The following WDR72 variants were observed in gnomAD, a reference collection of about 807,000 sequenced individuals.
WDR72 encodes the protein WD repeat domain 72, also known as WD repeat-containing protein 72.
Under a neutral mutation model 124.2 loss-of-function variants are expected in WDR72, and 120 were observed. The ratio of observed to expected loss-of-function variants is 0.97; its 90% CI spans 0.83 to 1.12. WDR72 has a LOEUF of 1.12. Among genes scored for constraint, WDR72 ranks in the 50% most tolerant of loss-of-function variants. The pLI is 0.00. For missense variants in WDR72, 1,387 were observed against 1,278.8 expected, an observed-to-expected ratio of 1.08 and a Z score of -1.29; for synonymous variants, 452 against 441.7, an observed-to-expected ratio of 1.02 and a Z score of -0.29.
chr15:53,633,311 A>G (rs972966147), intron 14 of WDR72, among the ~76,000 whole-genome samples: 6 of 152,100 alleles, frequency 3.9e-5, no homozygotes, highest in Non-Finnish European at 8.8e-5. Context: ...TCAGCCATGT[A>G]AGACGTGCCT....
chr15:53,645,445 A>T (rs2015007896), intron 14 of WDR72, among the ~76,000 whole-genome samples: 1 of 152,132 alleles, frequency 6.6e-6, no homozygotes, highest in African/African-American at 2.4e-5. Flanking sequence ...TTTGTGTTTT[A>T]AGTGTGAAGA....
intron 18 of WDR72, among the ~76,000 whole-genome samples, chr15:53,545,083 C>T (rs1395345667): frequency 2.0e-5 from 3 of 148,618 alleles, no homozygotes; most frequent in Non-Finnish European, 3.0e-5. Context: ...AATGGCCATA[C>T]TGCCCAAGGT....
intron 14 of WDR72, among the ~76,000 whole-genome samples, chr15:53,634,358 T>C (rs532372977): frequency 7.9e-5 from 12 of 152,166 alleles, no homozygotes; most frequent in Non-Finnish European, 1.6e-4. Context: ...GGCATAGGCA[T>C]GAAAGATCCC....
chr15:53,516,820 A>G lies in WDR72; in HGVS notation c.*879T>C, dbSNP rs1017082996. 7.9e-5 allele frequency: 12 copies of G among 152,236 alleles called. No homozygotes were observed. The highest frequency in any genetic ancestry group is 3.9e-4 in the Admixed American group (6 of 15,270). 9.4% of individuals were successfully genotyped at this position (152,236 alleles called of 1,614,324 possible). On this transcript the variant is annotated 3_prime_UTR_variant, in exon 20 of 20. Transcript: ENST00000360509. ...GTACAATATAAATCATAGTAAATAGATCACCAAAGGCTTTAATAGAAGAGC... is the reference window on the plus strand; with the variant it reads ...GTACAATATAAATCATAGTAAATAGGTCACCAAAGGCTTTAATAGAAGAGC...
intron 14 of WDR72, 50 bp downstream of exon 14, chr15:53,665,522 T>C (rs767533970): frequency 2.5e-6 from 4 of 1,606,082 alleles, no homozygotes; most frequent in Non-Finnish European, 3.4e-6. Context: ...ATATAACTTC[T>C]TATTCGGTTG....
intron 18 of WDR72, among the ~76,000 whole-genome samples, chr15:53,580,384 G>A (rs2011852583): frequency 6.6e-6 from 1 of 152,040 alleles, no homozygotes; most frequent in African/African-American, 2.4e-5. Context: ...TTTACAAAAA[G>A]TTTTGAAGTA....
intron 13 of WDR72, among the ~76,000 whole-genome samples, chr15:53,667,349 G>C (rs1431996182): frequency 6.6e-6 from 1 of 152,006 alleles, no homozygotes; most frequent in African/African-American, 2.4e-5. Flanking sequence ...ACGAGACCCT[G>C]TCTCAAAAAA....
chr15:53,708,883 T>C (rs957782534), intron 9 of WDR72, among the ~76,000 whole-genome samples: 2 of 152,186 alleles, frequency 1.3e-5, no homozygotes, highest in African/African-American at 4.8e-5. Flanking sequence ...TTACCAGCTG[T>C]GATTTGAAGC....
chr15:53,527,731 C>A (rs1197347287), intron 18 of WDR72, among the ~76,000 whole-genome samples: 1 of 151,900 alleles, frequency 6.6e-6, no homozygotes, highest in Non-Finnish European at 1.5e-5. Flanking sequence ...AGACCAAAGC[C>A]AAACAAAAAT....
At chr15:53,667,950 ATAAT>A (rs2015836954) in intron 13 of WDR72, among the ~76,000 whole-genome samples, 2 of 152,304 alleles carry the variant, frequency 1.3e-5, no homozygotes, top group Admixed American at 6.5e-5. Flanking sequence ...TCATACACAG[ATAAT>A]TAATCTGTCT....
chr15:53,651,218 G>A (rs910770676), intron 14 of WDR72, among the ~76,000 whole-genome samples: 14 of 151,954 alleles, frequency 9.2e-5, no homozygotes, highest in Non-Finnish European at 1.3e-4. Flanking sequence ...TCTGAAAGGC[G>A]GGAGAATCTC....
At chr15:53,605,501 A>T (rs867646052) in intron 17 of WDR72, among the ~76,000 whole-genome samples, 147 of 152,354 alleles carry the variant, frequency 9.6e-4, no homozygotes, top group Admixed American at 1.3e-3. Flanking sequence ...TAAAAGTTTT[A>T]AAAAAGTAAA....
chr15:53,573,930 T>C (rs1894660071), intron 18 of WDR72, among the ~76,000 whole-genome samples: 1 of 152,226 alleles, frequency 6.6e-6, no homozygotes, highest in South Asian at 2.1e-4. Flanking sequence ...GATTCACATA[T>C]CTCAGGATAT....
At chr15:53,574,080 C>T (rs1332443039) in intron 18 of WDR72, among the ~76,000 whole-genome samples, 5 of 152,156 alleles carry the variant, frequency 3.3e-5, no homozygotes, top group Admixed American at 1.3e-4. Flanking sequence ...TTAACTGTAT[C>T]TCTTGATGTA....
At chr15:53,570,157 T>C (rs929358557) in intron 18 of WDR72, among the ~76,000 whole-genome samples, 1 of 152,008 alleles carries the variant, frequency 6.6e-6, no homozygotes, top group Non-Finnish European at 1.5e-5. Flanking sequence ...AAGTGACAAA[T>C]AAAAATTCTA....
rs1595849632 is a variant in WDR72, at chr15:53,686,562, A to T, written c.1765+13188T>A. ...ACAAGAGCACCCAGATTCATAAAGCAAGTCCTGAGTGACCTACAAAGAGAC... is the reference window on the plus strand; with the variant it reads ...ACAAGAGCACCCAGATTCATAAAGCTAGTCCTGAGTGACCTACAAAGAGAC... On this transcript the variant is annotated intron_variant, in intron 13 of 19. Coordinates refer to ENST00000360509, the MANE Select transcript of WDR72 (RefSeq NM_182758.4). Among the ~76,000 whole-genome samples, 15 of 151,936 alleles carry T rather than the reference A, an allele frequency of 9.9e-5. No homozygotes were observed. The South Asian group carries it at 2.7e-3, about 27-fold the overall frequency.
chr15:53,584,258 G>C (rs2012085674), intron 18 of WDR72, among the ~76,000 whole-genome samples: 1 of 151,964 alleles, frequency 6.6e-6, no homozygotes. Flanking sequence ...TTGAGATAAT[G>C]ACCAACCATA....
intron 1 of WDR72, among the ~76,000 whole-genome samples, chr15:53,745,594 T>C (rs1463399187): frequency 6.6e-6 from 1 of 152,220 alleles, no homozygotes; most frequent in African/African-American, 2.4e-5. Context: ...AAGTTTTGTA[T>C]AGTATACACT....
At chr15:53,652,770 T>C (rs532339016) in intron 14 of WDR72, among the ~76,000 whole-genome samples, 4 of 152,318 alleles carry the variant, frequency 2.6e-5, no homozygotes, top group African/African-American at 7.2e-5. Context: ...ACTGTGTTGG[T>C]ATAATAAGCC....
Sources: allele counts gnomAD v4.1 joint callset (sites outside exome capture counted in the v4.1 genomes callset), GRCh38; gene constraint gnomAD v4.1.1; transcripts MANE v1.5; gene names NCBI Gene and HGNC (gene_info 2026-07-23, HGNC 2026-07-21).